The following CDH13 variants were observed in gnomAD, a reference collection of about 807,000 sequenced individuals.
CDH13 encodes the protein cadherin-13.
In CDH13, 24 loss-of-function variants were observed where a neutral mutation model predicts 63.8. That is an observed-to-expected ratio of 0.38 (90% CI 0.27 to 0.53). The LOEUF (loss-of-function observed/expected upper bound fraction) is 0.53. Ranked by LOEUF, CDH13 falls within the 20% of genes least tolerant of loss-of-function variation. CDH13 has a pLI of 0.85. For synonymous variants in CDH13, 503 were observed against 355.3 expected, an observed-to-expected ratio of 1.42 and a Z score of -4.67; for missense variants, 1,049 against 903.1, an observed-to-expected ratio of 1.16 and a Z score of -2.07.
chr16:82,868,744 GT>G (rs2040241876), intron 2 of CDH13, among the ~76,000 whole-genome samples: 1 of 152,172 alleles, frequency 6.6e-6, no homozygotes, highest in Non-Finnish European at 1.5e-5. Flanking sequence ...AGAATTTGAG[GT>G]GTTTGATAAA....
intron 6 of CDH13, among the ~76,000 whole-genome samples, chr16:83,422,387 C>G (rs1025139843): frequency 2.0e-5 from 3 of 152,156 alleles, no homozygotes; most frequent in Non-Finnish European, 4.4e-5. Flanking sequence ...TCATGATGAA[C>G]TAGAACATCC....
At chr16:82,791,230 C>G (rs1374482962) in intron 1 of CDH13, among the ~76,000 whole-genome samples, 1 of 94,062 alleles carries the variant, frequency 1.1e-5, no homozygotes, top group Non-Finnish European at 2.3e-5. Context: ...AAGCGAGACT[C>G]CGTCTCCAAA....
Position 83,232,643 on chromosome 16 carries a change from C to A in CDH13, c.636+15146C>A, listed in dbSNP as rs2040036601. On this transcript the variant is annotated intron_variant, in intron 5 of 13. Coordinates refer to ENST00000567109, the MANE Select transcript of CDH13 (RefSeq NM_001257.5). ...ATACGCCTGCATCCCCTTTGCCTTC[C>A]ACCATGATTGTAAGTTTCCTGAGTC... 1.3e-5 allele frequency among the ~76,000 whole-genome samples: 2 copies of A among 152,080 alleles called. 1 individual carries two copies. The highest frequency in any genetic ancestry group is 4.1e-4 in the South Asian group (2 of 4,820).
chr16:83,309,683 C>T (rs1186562160), intron 5 of CDH13, among the ~76,000 whole-genome samples: 1 of 152,228 alleles, frequency 6.6e-6, no homozygotes, highest in Non-Finnish European at 1.5e-5. Context: ...CCCCCTCCTT[C>T]TGAAACTTGG....
chr16:82,655,376 A>G (rs777855062), intron 1 of CDH13, among the ~76,000 whole-genome samples: 5 of 152,186 alleles, frequency 3.3e-5, no homozygotes, highest in Admixed American at 6.5e-5. Flanking sequence ...AGACATTTCA[A>G]CTGAGATCTC....
At chr16:82,676,155 G>A (rs557518898) in intron 1 of CDH13, among the ~76,000 whole-genome samples, 20 of 152,216 alleles carry the variant, frequency 1.3e-4, no homozygotes, top group Admixed American at 1.2e-3. Flanking sequence ...TTATCTACCT[G>A]ACCACCAATA....
chr16:83,196,179 C>G (rs1375653881), intron 4 of CDH13, among the ~76,000 whole-genome samples: 2 of 152,068 alleles, frequency 1.3e-5, no homozygotes, highest in African/African-American at 4.8e-5. Context: ...TCACTTGAAC[C>G]CGGGAGGCGG....
chr16:83,657,579 G>A (rs1912979468), intron 8 of CDH13, among the ~76,000 whole-genome samples: 1 of 152,180 alleles, frequency 6.6e-6, no homozygotes, highest in African/African-American at 2.4e-5. Flanking sequence ...ACCTTCCTCT[G>A]CAGCAGACCG....
chr16:83,308,926 T>A (rs188211824), intron 5 of CDH13, among the ~76,000 whole-genome samples: 44 of 152,278 alleles, frequency 2.9e-4, no homozygotes, highest in African/African-American at 1.0e-3. Flanking sequence ...CTCCAAAGAA[T>A]TCACAAGAAC....
chr16:83,302,967 C>T (rs887191094), intron 5 of CDH13, among the ~76,000 whole-genome samples: 3 of 152,190 alleles, frequency 2.0e-5, no homozygotes, highest in South Asian at 2.1e-4. Context: ...TCAAGGTATT[C>T]GGTTCTTTTC....
chr16:83,615,246 C>T (rs944617847), intron 8 of CDH13, among the ~76,000 whole-genome samples: 2 of 152,256 alleles, frequency 1.3e-5, no homozygotes, highest in Admixed American at 1.3e-4. Context: ...AGCTCTTTAA[C>T]ATCAGATGCA....
At chr16:83,494,945 T>C (rs1240091053) in intron 7 of CDH13, among the ~76,000 whole-genome samples, 1 of 152,240 alleles carries the variant, frequency 6.6e-6, no homozygotes, top group Non-Finnish European at 1.5e-5. Context: ...TGAAAGGCAC[T>C]TCAAGTTATA....
chr16:83,316,014 A>C (rs2090097517), intron 5 of CDH13, among the ~76,000 whole-genome samples: 1 of 152,344 alleles, frequency 6.6e-6, no homozygotes, highest in Middle Eastern at 3.4e-3. Context: ...ACAGTTCTGC[A>C]GGGCTTAGGA....
At chr16:82,637,966 C>T (rs1220725037) in intron 1 of CDH13, among the ~76,000 whole-genome samples, 1 of 152,124 alleles carries the variant, frequency 6.6e-6, no homozygotes, top group African/African-American at 2.4e-5. Flanking sequence ...GTGGGAACAG[C>T]AGATAAAAAC....
intron 7 of CDH13, among the ~76,000 whole-genome samples, chr16:83,570,024 C>T (rs534798606): frequency 3.9e-5 from 6 of 152,230 alleles, no homozygotes; most frequent in Admixed American, 1.3e-4. Flanking sequence ...AGTGAGCCAC[C>T]GTGCCCAGCC....
At chr16:83,066,090 C>T (rs1174844406) in intron 3 of CDH13, among the ~76,000 whole-genome samples, 2 of 152,284 alleles carry the variant, frequency 1.3e-5, no homozygotes, top group East Asian at 1.9e-4. Context: ...GATTTGAAAT[C>T]AGGATGTAAT....
At chr16:83,784,609 G>A (rs1915754868) in intron 13 of CDH13, among the ~76,000 whole-genome samples, 1 of 147,562 alleles carries the variant, frequency 6.8e-6, no homozygotes, top group Non-Finnish European at 1.5e-5. Flanking sequence ...TCCAACCTGG[G>A]TGACAGAGCA....
chr16:83,098,318 T>C (rs969390706), intron 3 of CDH13, among the ~76,000 whole-genome samples: 1 of 152,230 alleles, frequency 6.6e-6, no homozygotes, highest in African/African-American at 2.4e-5. Flanking sequence ...ACTGCTCCTC[T>C]GGTTTTTAGT....
chr16:83,570,127 G>C (rs546027566), intron 7 of CDH13, among the ~76,000 whole-genome samples: 1 of 152,256 alleles, frequency 6.6e-6, no homozygotes, highest in East Asian at 1.9e-4. Flanking sequence ...TACAAAACAG[G>C]AAGAAGCTCT....
Sources: allele counts gnomAD v4.1 joint callset (sites outside exome capture counted in the v4.1 genomes callset), GRCh38; gene constraint gnomAD v4.1.1; transcripts MANE v1.5; gene names NCBI Gene and HGNC (gene_info 2026-07-23, HGNC 2026-07-21).